KIAA0825: variants seen among roughly 807,000 people sequenced by gnomAD.
The protein encoded by KIAA0825 is KIAA0825, also known as uncharacterized protein KIAA0825.
Under a neutral mutation model 147.6 loss-of-function variants are expected in KIAA0825, and 119 were observed. That is an observed-to-expected ratio of 0.81 (90% CI 0.69 to 0.94). KIAA0825 has a LOEUF of 0.94. Ranked by LOEUF, KIAA0825 falls within the 40% of genes least tolerant of loss-of-function variation. The pLI is 0.00. For synonymous variants in KIAA0825, 470 were observed against 518.1 expected (o/e 0.91, Z 1.26); for missense variants, 1,381 against 1,472.7 (o/e 0.94, Z 1.02).
intron 9 of KIAA0825, 97 bp downstream of exon 9, chr5:94,471,369 T>C: frequency 7.9e-7 from 1 of 1,268,558 alleles, no homozygotes; most frequent in Non-Finnish European, 1.1e-6. Context: ...TTATTTTCTC[T>C]TTCTCAAATC....
chr5:94,290,592 A>T (rs933766541), intron 20 of KIAA0825, among the ~76,000 whole-genome samples: 1 of 152,200 alleles, frequency 6.6e-6, no homozygotes, highest in African/African-American at 2.4e-5. Flanking sequence ...TGCAATAAAC[A>T]TCCATGTGCA....
intron 20 of KIAA0825, among the ~76,000 whole-genome samples, chr5:94,248,284 T>C (rs542478982): frequency 6.6e-6 from 1 of 152,266 alleles, no homozygotes; most frequent in African/African-American, 2.4e-5. Context: ...TGCCAGCTCA[T>C]TACCTGTCTG....
chr5:94,393,421 T>A (rs981255623), intron 17 of KIAA0825, among the ~76,000 whole-genome samples: 4 of 152,210 alleles, frequency 2.6e-5, no homozygotes, highest in Non-Finnish European at 5.9e-5. Flanking sequence ...AAAGTGAAGG[T>A]TATTTTAATG....
At chr5:94,397,409 G>T (rs1750810694) in intron 16 of KIAA0825, among the ~76,000 whole-genome samples, 1 of 152,140 alleles carries the variant, frequency 6.6e-6, no homozygotes, top group African/African-American at 2.4e-5. Context: ...TCACATTTAT[G>T]ATCTTATTTA....
chr5:94,283,162 A>G (rs1315741595), intron 20 of KIAA0825, among the ~76,000 whole-genome samples: 4 of 152,106 alleles, frequency 2.6e-5, no homozygotes, highest in Non-Finnish European at 5.9e-5. Context: ...ACATTAAAAA[A>G]TCTTTTATTA....
chr5:94,554,716 C>A (rs567564741), intron 2 of KIAA0825, among the ~76,000 whole-genome samples: 1,343 of 67,048 alleles, frequency 0.02, 50 homozygotes, highest in Admixed American at 0.067. Flanking sequence ...GTTCTGTGTA[C>A]TATATATATA....
intron 20 of KIAA0825, among the ~76,000 whole-genome samples, chr5:94,353,905 T>C (rs1783971959): frequency 6.6e-6 from 1 of 152,204 alleles, no homozygotes; most frequent in Non-Finnish European, 1.5e-5. Context: ...ACCTTTATCA[T>C]TATATTATTA....
chr5:94,221,611 T>C (rs1040853786), intron 20 of KIAA0825, among the ~76,000 whole-genome samples: 1 of 152,148 alleles, frequency 6.6e-6, no homozygotes, highest in African/African-American at 2.4e-5. Context: ...ACAGGGGCAG[T>C]CTCTGCTCAT....
chr5:94,233,628 G>A (rs750527832), intron 20 of KIAA0825, among the ~76,000 whole-genome samples: 1 of 152,174 alleles, frequency 6.6e-6, no homozygotes, highest in Non-Finnish European at 1.5e-5. Flanking sequence ...TGAATGAATT[G>A]TGGGAGGAGT....
chr5:94,362,002 C>A (rs1234820302), intron 20 of KIAA0825, among the ~76,000 whole-genome samples: 1 of 152,220 alleles, frequency 6.6e-6, no homozygotes, highest in Non-Finnish European at 1.5e-5. Flanking sequence ...GTGCACCTCT[C>A]TTACTTGACC....
chr5:94,296,688 A>AT (rs933495024), intron 20 of KIAA0825, among the ~76,000 whole-genome samples: 23 of 152,166 alleles, frequency 1.5e-4, no homozygotes, highest in African/African-American at 5.3e-4. Flanking sequence ...TTCCCGGGTG[A>AT]GGGGACATCC....
chr5:94,593,051 A>G, intron 1 of KIAA0825: 2 of 689,534 alleles, frequency 2.9e-6, no homozygotes, highest in Non-Finnish European at 5.5e-6. Flanking sequence ...GTCAGAGACC[A>G]TTCTCAATTT....
intron 5 of KIAA0825, among the ~76,000 whole-genome samples, chr5:94,517,962 T>G (rs1158781327): frequency 6.6e-6 from 1 of 152,236 alleles, no homozygotes; most frequent in African/African-American, 2.4e-5. Flanking sequence ...CTTAGTTTCC[T>G]CACTGTAAAA....
intron 2 of KIAA0825, among the ~76,000 whole-genome samples, chr5:94,557,003 C>T (rs981774995): frequency 6.6e-6 from 1 of 152,168 alleles, no homozygotes; most frequent in Non-Finnish European, 1.5e-5. Context: ...AAATAGCACG[C>T]CTTCCTAGTT....
At chr5:94,587,772 A>T (rs1028706413) in intron 1 of KIAA0825, among the ~76,000 whole-genome samples, 2 of 152,220 alleles carry the variant, frequency 1.3e-5, no homozygotes, top group Non-Finnish European at 2.9e-5. Flanking sequence ...AGCTAGAGGC[A>T]TCATGCTACC....
At chr5:94,577,458 C>T (rs1394149394) in intron 2 of KIAA0825, among the ~76,000 whole-genome samples, 6 of 152,208 alleles carry the variant, frequency 3.9e-5, no homozygotes, top group Non-Finnish European at 8.8e-5. Context: ...TAGTCCAAAA[C>T]TAATTTAAGC....
chr5:94,425,804 C>T (rs911324582), intron 14 of KIAA0825, among the ~76,000 whole-genome samples: 1 of 152,056 alleles, frequency 6.6e-6, no homozygotes, highest in African/African-American at 2.4e-5. Flanking sequence ...TAATAATAGC[C>T]ATTCTAACAG....
chr5:94,367,485 C>T (rs569448421), intron 20 of KIAA0825, among the ~76,000 whole-genome samples: 1 of 151,528 alleles, frequency 6.6e-6, no homozygotes, highest in East Asian at 1.9e-4. Flanking sequence ...GCAACAAGAG[C>T]GACACTCGAT....
rs1562533112 is a variant in KIAA0825 at position 94,473,466 on chromosome 5, GGGA to G, written c.1278_1280del (p.Pro427del). 2 of 1,551,746 alleles carry G rather than the reference GGGA, an allele frequency of 1.3e-6. No homozygotes were observed. The highest frequency in any genetic ancestry group is 2.4e-5 in the South Asian group (2 of 84,062). ...TTGCAGTTACTACGCAGTGCGCCAT[GGGA>G]AGAGACACTTCTTTAAATGCACTTC... On this transcript the variant is annotated inframe_deletion, in exon 8 of 21. Transcript: ENST00000682413.
Sources: gnomAD v4.1 joint callset for allele counts (sites outside exome capture counted in the v4.1 genomes callset) on GRCh38, gnomAD v4.1.1 for gene constraint, MANE v1.5 for transcripts, NCBI Gene and HGNC (gene_info 2026-07-23, HGNC 2026-07-21) for gene names.